Variants in EXOC6 observed in about 807,000 individuals in gnomAD.
EXOC6 encodes exocyst complex component 6.
EXOC6 carries 60 observed loss-of-function variants against 112.5 expected under a neutral mutation model. The observed-to-expected ratio is 0.53, with a 90% CI of 0.43 to 0.66. EXOC6 has a LOEUF of 0.66. Ranked by LOEUF, EXOC6 falls within the 30% of genes least tolerant of loss-of-function variation. The pLI is 0.00. For synonymous variants in EXOC6, 295 were observed against 308.0 expected (o/e 0.96, Z 0.44); for missense variants, 855 against 957.1 (o/e 0.89, Z 1.41).
chr10:92,860,787 T>G (rs1047960480), intron 1 of EXOC6, among the ~76,000 whole-genome samples: 1 of 152,220 alleles, frequency 6.6e-6, no homozygotes, highest in Non-Finnish European at 1.5e-5. Context: ...TGTCATACTT[T>G]TCTTCCTTTT....
At chr10:92,845,721 C>T (rs1345184135), upstream of EXOC6, among the ~76,000 whole-genome samples, 1 of 151,710 alleles carries the variant, frequency 6.6e-6, no homozygotes, top group African/African-American at 2.4e-5. Flanking sequence ...GGCAGATCAC[C>T]TGAGGTCGGG....
chr10:92,975,816 C>T (rs1254669320), intron 18 of EXOC6, among the ~76,000 whole-genome samples: 7 of 134,854 alleles, frequency 5.2e-5, no homozygotes, highest in African/African-American at 1.4e-4. Context: ...CGCGCCCGGC[C>T]AGCCGCCCCG....
At chr10:92,896,083 G>GTGTATATATGTGTA (rs1849749820) in intron 4 of EXOC6, among the ~76,000 whole-genome samples, 1 of 92,484 alleles carries the variant, frequency 1.1e-5, no homozygotes, top group Non-Finnish European at 2.1e-5. Flanking sequence ...ATATATATGT[G>GTGTATATATGTGTA]TATATATATA....
chr10:92,902,714 A>G (rs1228983086), intron 5 of EXOC6, among the ~76,000 whole-genome samples: 2 of 152,120 alleles, frequency 1.3e-5, no homozygotes, highest in Non-Finnish European at 2.9e-5. Flanking sequence ...CCACCAAAAC[A>G]AGATGAAGAA....
intron 18 of EXOC6, among the ~76,000 whole-genome samples, chr10:92,994,493 T>C (rs1843394598): frequency 6.6e-6 from 1 of 152,172 alleles, no homozygotes; most frequent in South Asian, 2.1e-4. Context: ...TTAGCAGGTG[T>C]TTTTACTTAT....
intron 4 of EXOC6, among the ~76,000 whole-genome samples, chr10:92,896,931 G>A (rs1389423949): frequency 6.6e-6 from 1 of 152,046 alleles, no homozygotes; most frequent in African/African-American, 2.4e-5. Flanking sequence ...ATCTCTGATG[G>A]ACCAGGTATA....
intron 1 of EXOC6, among the ~76,000 whole-genome samples, chr10:92,837,379 G>A (rs1164529914): frequency 2.6e-5 from 4 of 152,172 alleles, no homozygotes; most frequent in Non-Finnish European, 4.4e-5. Flanking sequence ...ATTTTAAAAC[G>A]TCAAGCTCTG....
intron 1 of EXOC6, among the ~76,000 whole-genome samples, chr10:92,827,977 A>AT (rs1352320735): frequency 2.0e-5 from 3 of 152,186 alleles, no homozygotes; most frequent in Admixed American, 2.0e-4. Flanking sequence ...TCAGTAGCAT[A>AT]TAACATTCCT....
intron 5 of EXOC6, 99 bp downstream of exon 5, chr10:92,899,743 G>T: frequency 1.1e-6 from 1 of 899,664 alleles, no homozygotes; most frequent in African/African-American, 1.7e-5. Context: ...CATGAGTTTT[G>T]CTTTCTTCAT....
At chr10:92,893,737 A>G (rs538014835) in intron 2 of EXOC6, among the ~76,000 whole-genome samples, 1 of 152,326 alleles carries the variant, frequency 6.6e-6, no homozygotes, top group Non-Finnish European at 1.5e-5. Flanking sequence ...CTGACTTAAC[A>G]GGATTTCTTT....
At chr10:92,970,848 A>G (rs1157107402) in intron 17 of EXOC6, among the ~76,000 whole-genome samples, 1 of 152,228 alleles carries the variant, frequency 6.6e-6, no homozygotes, top group African/African-American at 2.4e-5. Context: ...GTAAGTGGTT[A>G]GTGTGAAAAT....
chr10:93,003,209 G>C (rs1440191456), intron 19 of EXOC6, among the ~76,000 whole-genome samples: 3 of 152,066 alleles, frequency 2.0e-5, no homozygotes, highest in African/African-American at 7.2e-5. Flanking sequence ...GTTACTCTGT[G>C]AAAAACATCA....
chr10:92,909,386 TAAG>T (rs756940387), intron 5 of EXOC6, 38 bp from the exon 6 acceptor site: 2 of 1,398,730 alleles, frequency 1.4e-6, no homozygotes, highest in African/African-American at 2.9e-5. Context: ...AATATTGTGA[TAAG>T]AACTTTTTAT....
At chr10:92,917,750 C>T (rs554204116) in intron 7 of EXOC6, among the ~76,000 whole-genome samples, 1 of 152,224 alleles carries the variant, frequency 6.6e-6, no homozygotes, top group South Asian at 2.1e-4. Context: ...CAAGGCTGGT[C>T]TTGAACTCAG....
At chr10:92,921,539 A>T (rs1851445060) in intron 8 of EXOC6, among the ~76,000 whole-genome samples, 1 of 151,818 alleles carries the variant, frequency 6.6e-6, no homozygotes, top group Non-Finnish European at 1.5e-5. Flanking sequence ...TGAGCCACCT[A>T]GCCCAGCCTA....
intron 18 of EXOC6, among the ~76,000 whole-genome samples, chr10:92,989,487 A>T (rs1222630788): frequency 6.6e-6 from 1 of 152,256 alleles, no homozygotes; most frequent in Admixed American, 6.5e-5. Context: ...GGAAAAATAC[A>T]GTAACTAAAA....
intron 4 of EXOC6, among the ~76,000 whole-genome samples, chr10:92,896,179 ATATTTTTTTTTTTT>A (rs1849807248): frequency 1.5e-4 from 2 of 13,072 alleles, no homozygotes; most frequent in African/African-American, 4.1e-4. Flanking sequence ...ATATATATAT[ATATTTTTTTTTTTT>A]TTTTTTTTTT....
intron 8 of EXOC6, among the ~76,000 whole-genome samples, chr10:92,924,254 A>G (rs1032178496): frequency 2.6e-5 from 4 of 152,184 alleles, no homozygotes; most frequent in African/African-American, 9.7e-5. Context: ...TTAAATGTAA[A>G]CAATGATTTT....
chr10:92,906,744 G>A (rs997087085), intron 5 of EXOC6, among the ~76,000 whole-genome samples: 1 of 152,116 alleles, frequency 6.6e-6, no homozygotes, highest in African/African-American at 2.4e-5. Context: ...AATAGAGTAT[G>A]AGCTTACAGA....
Sources: allele counts gnomAD v4.1 joint callset (sites outside exome capture counted in the v4.1 genomes callset), GRCh38; gene constraint gnomAD v4.1.1; transcripts MANE v1.5; gene names NCBI Gene and HGNC (gene_info 2026-07-23, HGNC 2026-07-21).